Variants in PASK observed in about 807,000 individuals in gnomAD.
PASK encodes the protein PAS domain-containing serine/threonine-protein kinase.
PASK carries 110 observed loss-of-function variants against 121.0 expected under a neutral mutation model. That is an observed-to-expected ratio of 0.91 (90% CI 0.78 to 1.06). The LOEUF (loss-of-function observed/expected upper bound fraction) is 1.06, where lower values mean the gene tolerates loss of function less well. PASK is among the 50% of genes least tolerant of loss of function. PASK has a pLI of 0.00. For synonymous variants in PASK, 686 were observed against 717.8 expected, an observed-to-expected ratio of 0.96 and a Z score of 0.71; for missense variants, 1,643 against 1,702.3, an observed-to-expected ratio of 0.97 and a Z score of 0.61.
chr2:241,122,929 A>C (rs1388088208), intron 11 of PASK, 30 bp from the exon 12 acceptor site: 6 of 1,610,108 alleles, frequency 3.7e-6, no homozygotes, highest in Non-Finnish European at 4.2e-6. Context: ...CTGTGGGGTC[A>C]CATGCAACTG....
chr2:241,149,439 G>T lies in PASK; in HGVS notation c.-68C>A, dbSNP rs769408829. 3.2e-5 allele frequency: 18 copies of T among 561,036 alleles called. No individual in the cohort carries two copies. Among genetic ancestry groups the T allele is most frequent in the South Asian group, 4.2e-5 (2 of 47,622 alleles). 34.8% of individuals were successfully genotyped at this position (561,036 alleles called of 1,614,324 possible). ...CTGGATCAGGCGAGGGTCACGCCAA[G>T]CCGGCTACACACCACGGAAAGGAGC... On this transcript the variant is annotated 5_prime_UTR_variant, in exon 1 of 18. Coordinates refer to ENST00000234040, the MANE Select transcript of PASK (RefSeq NM_015148.4).
chr2:241,122,166 C>T (rs1210281466), intron 12 of PASK, among the ~76,000 whole-genome samples: 1 of 151,144 alleles, frequency 6.6e-6, no homozygotes, highest in African/African-American at 2.4e-5. Context: ...AAAAGCATAG[C>T]TCAAATAAAT....
chr2:241,121,373 T>G (rs1416531100), intron 12 of PASK, among the ~76,000 whole-genome samples: 1 of 152,054 alleles, frequency 6.6e-6, no homozygotes, highest in Admixed American at 6.6e-5. Flanking sequence ...AAAATCATGA[T>G]GAAATATTAA....
intron 5 of PASK, 61 bp from the exon 6 acceptor site, chr2:241,138,148 T>A: frequency 6.3e-7 from 1 of 1,575,582 alleles, no homozygotes; most frequent in South Asian, 1.1e-5. Flanking sequence ...TAAATTTAAC[T>A]AAGCTTCAAT....
chr2:241,149,228 G>C (rs1251990175), intron 1 of PASK, among the ~76,000 whole-genome samples, 186 bp downstream of exon 1: 1 of 152,160 alleles, frequency 6.6e-6, no homozygotes, highest in Admixed American at 6.5e-5. Context: ...TTTGGGCACG[G>C]AGAGGACGCG....
chr2:241,122,767 C>A lies in PASK; in HGVS notation c.3037G>T (p.Val1013Leu), dbSNP rs762220676. 8.1e-6 allele frequency: 13 copies of A among 1,614,072 alleles called. No homozygotes were observed. Among genetic ancestry groups the A allele is most frequent in the Non-Finnish European group, 1.1e-5 (13 of 1,180,030 alleles). ...TTTTCCTTGTCCACAGCAGTCCACA[C>A]GAAGCCGAAGGCCCCACTGCCCAGC... is the stretch of plus-strand genomic sequence containing the variant. ...SPLGSGAFGF[V>L]WTAVDKEKNK... The change falls in exon 12 of 18, where the codon GTG becomes TTG. Residue 1013 changes from valine (V) to leucine (L), a missense_variant. This residue lies in a region of PASK where 453 missense variants were observed against 511.2 expected (regional missense o/e 0.89). Transcript: ENST00000234040.
intron 3 of PASK, 67 bp from the exon 4 acceptor site, chr2:241,140,122 G>T: frequency 7.7e-7 from 1 of 1,294,606 alleles, no homozygotes; most frequent in Non-Finnish European, 1.1e-6. Context: ...GCCCAGAACA[G>T]CCCAGGACGA....
At chr2:241,127,760 C>G in intron 9 of PASK, 1 of 402,208 alleles carries the variant, frequency 2.5e-6, no homozygotes, top group South Asian at 2.1e-5. Flanking sequence ...AACCCCCCGT[C>G]AGCCGTGCAG....
Position 241,108,038 on chromosome 2 carries a change from G to T in PASK, c.3667+129C>A. 1 of 915,814 alleles carries T rather than the reference G, an allele frequency of 1.1e-6. No homozygotes were observed. The highest frequency in any genetic ancestry group is 1.8e-6 in the Non-Finnish European group (1 of 554,702). The allele number at this position is 915,814 out of a possible 1,614,324, so 56.7% of individuals were successfully genotyped here. ...TAAAGTCATATGCAAATTATTTGATGAATAGAAAAGAAACAAATGAGACTG... is the reference window on the plus strand; with the variant it reads ...TAAAGTCATATGCAAATTATTTGATTAATAGAAAAGAAACAAATGAGACTG... On this transcript the variant is annotated intron_variant, in intron 16 of 17. Transcript: ENST00000234040. This position sits in a 1 kb window ranked among gnomAD's most constrained non-coding sequence, Gnocchi z 5.2.
intron 12 of PASK, among the ~76,000 whole-genome samples, chr2:241,121,404 C>T (rs2065602915): frequency 6.6e-6 from 1 of 152,016 alleles, no homozygotes; most frequent in African/African-American, 2.4e-5. Flanking sequence ...GAAACAAAAA[C>T]ATGACATAAT....
rs771674044 is a variant in PASK, at chr2:241,127,176, C to T, written c.1739G>A (p.Gly580Asp). 1.9e-6 allele frequency: 3 copies of T among 1,614,120 alleles called. No individual in the cohort carries two copies. In the South Asian group the frequency reaches 3.3e-5, roughly 18 times the overall value. Residue 580 changes from glycine (G) to aspartate (D), a missense_variant, in exon 10 of 18, where the codon GGT becomes GAT. By Grantham distance (94) the Gly-to-Asp change is moderately conservative (BLOSUM62 -1). Coordinates refer to ENST00000234040, the MANE Select transcript of PASK (RefSeq NM_015148.4). The part of the protein sequence containing the change: ...KAQLERMGVS[G>D]PSGSDLWAGA... ...AGCCCAAAGGTCTGAACCGCTGGGA[C>T]CACTGACTCCCATCCGCTCTAGCTG... is the stretch of plus-strand genomic sequence containing the variant.
rs1283381524 is a variant in PASK, at chr2:241,136,027, G to A, written c.1150C>T (p.Leu384=). Residue 384 remains leucine, a synonymous_variant, in exon 8 of 18, where the codon CTG becomes TTG. Transcript: ENST00000234040. The part of the protein sequence containing the change: ...TELLGKNITF[L]IPGFYSYMDL... Reference sequence around the variant, plus strand: ...ATGTAGCTGTAGAAACCAGGAATCAGGAAAGTGATATTCTAGAAAACAAAG... The same window carrying A: ...ATGTAGCTGTAGAAACCAGGAATCAAGAAAGTGATATTCTAGAAAACAAAG... 1.2e-6 allele frequency: 2 copies of A among 1,613,980 alleles called. No homozygotes were observed. Among genetic ancestry groups the A allele is most frequent in the South Asian group, 1.1e-5 (1 of 91,076 alleles).
At chr2:241,125,929 G>T (rs1003839734) in intron 10 of PASK, among the ~76,000 whole-genome samples, 1 of 152,190 alleles carries the variant, frequency 6.6e-6, no homozygotes, top group Non-Finnish European at 1.5e-5. Flanking sequence ...CTCTCTAAGT[G>T]TATGGCCTGA....
Position 241,136,018 on chromosome 2 carries a change from C to G in PASK, c.1159G>C (p.Gly387Arg). The G allele has an allele frequency of 6.2e-7, 1 of 1,614,086 alleles. No homozygotes were observed. The highest frequency in any genetic ancestry group is 8.5e-7 in the Non-Finnish European group (1 of 1,179,908). The change falls in exon 8 of 18, where the codon GGT becomes CGT. Residue 387 changes from glycine to arginine, a missense_variant. Gly to Arg is a moderately radical substitution (Grantham distance 125). Transcript: ENST00000234040. ...LGKNITFLIP[G>R]FYSYMDLAYN... ...GCAAGGTCCATGTAGCTGTAGAAACCAGGAATCAGGAAAGTGATATTCTAG... is the reference window on the plus strand; with the variant it reads ...GCAAGGTCCATGTAGCTGTAGAAACGAGGAATCAGGAAAGTGATATTCTAG...
At chr2:241,149,625 C>A (rs1186240463), upstream of PASK, 7 of 1,537,252 alleles carry the variant, frequency 4.6e-6, no homozygotes, top group Non-Finnish European at 2.6e-6. Flanking sequence ...CCCTACGGCG[C>A]TTCGGAGGAG....
chr2:241,127,330 G>A lies in PASK; in HGVS notation c.1585C>T (p.Leu529Phe). 1.2e-6 allele frequency: 2 copies of A among 1,614,216 alleles called. No individual in the cohort carries two copies. The highest frequency in any genetic ancestry group is 1.7e-6 in the Non-Finnish European group (2 of 1,180,028). ...PVAIESPGQD[L>F]LGESRSEPVD... Reference sequence around the variant, plus strand: ...GGTTCAGACCTGCTTTCTCCCAGAAGATCCTGTCCGGGGCTCTCTATTGCC... The same window carrying A: ...GGTTCAGACCTGCTTTCTCCCAGAAAATCCTGTCCGGGGCTCTCTATTGCC... Residue 529 changes from leucine to phenylalanine, a missense_variant, in exon 10 of 18, where the codon CTT becomes TTT. Physicochemically the swap from Leu to Phe is conservative, Grantham distance 22. Coordinates refer to ENST00000234040, the MANE Select transcript of PASK (RefSeq NM_015148.4).
At position 241,126,233 on chromosome 2, in the gene PASK, G is replaced by A. The variant is rs1393910743; in HGVS notation, c.2682C>T (p.Tyr894=). Reference sequence around the variant, plus strand: ...CATCTCGATGGTAGCAGCTCCCGGAGTAGGCACCCTCCTGGATCTCCCGCT... The same window carrying A: ...CATCTCGATGGTAGCAGCTCCCGGAATAGGCACCCTCCTGGATCTCCCGCT... ...GLQREIQEGA[Y]SGSCYHRDGL... The change falls in exon 10 of 18, where the codon TAC becomes TAT. Residue 894 remains tyrosine (Y), a synonymous_variant. Transcript: ENST00000234040. The A allele has an allele frequency of 1.9e-6, 3 of 1,613,948 alleles. No individual in the cohort carries two copies. The South Asian group carries it at 3.3e-5, about 18-fold the overall frequency.
chr2:241,113,878 G>GATTCCAAC (rs2065214878), intron 14 of PASK: 3 of 985,182 alleles, frequency 3.0e-6, no homozygotes, highest in Admixed American at 6.1e-5. Context: ...GAACCAGCAT[G>GATTCCAAC]ATTCCTACAT....
chr2:241,126,096 G>T, intron 10 of PASK, 100 bp downstream of exon 10: 1 of 1,001,238 alleles, frequency 1.0e-6, no homozygotes, highest in Non-Finnish European at 1.6e-6. Flanking sequence ...ACTATTCCAG[G>T]GTGAAACCCC....
Sources: gnomAD v4.1 joint callset for allele counts (sites outside exome capture counted in the v4.1 genomes callset) on GRCh38, gnomAD v4.1.1 for gene constraint, gnomAD v4.1.1 regional missense constraint, Gnocchi (gnomAD v3.1) non-coding constraint, MANE v1.5 for transcripts, NCBI Gene and HGNC (gene_info 2026-07-23, HGNC 2026-07-21) for gene names.